NEMP2: variants seen among roughly 807,000 people sequenced by gnomAD.
The protein encoded by NEMP2 is UPF0571 transmembrane protein.
A neutral mutation model predicts 54.2 loss-of-function variants in NEMP2; 53 were observed. That is an observed-to-expected ratio of 0.98 (90% CI 0.78 to 1.23). The LOEUF is 1.23. Ranked by LOEUF, NEMP2 falls within the 50% of genes most tolerant of loss-of-function variation. NEMP2 has a pLI of 0.00. For synonymous variants in NEMP2, 197 were observed against 190.3 expected, an observed-to-expected ratio of 1.04 and a Z score of -0.29; for missense variants, 455 against 511.3, an observed-to-expected ratio of 0.89 and a Z score of 1.06.
rs1691132999 is a variant in NEMP2, at chr2:190,531,231, G to A, written c.97+3328C>T. ...TGAGGCTGAGGTATTTAATATGTCC[G>A]TACCCTGGAAGGTGCTCCATAACCT... On this transcript the variant is annotated intron_variant, in intron 1 of 8. Transcript: ENST00000409150. The surrounding 1 kb of genome is among the most constrained non-coding windows in gnomAD (Gnocchi z 4.7). Among the ~76,000 whole-genome samples, 1 of 152,140 alleles carries A rather than the reference G, an allele frequency of 6.6e-6. No individual in the cohort carries two copies. The highest frequency in any genetic ancestry group is 1.5e-5 in the Non-Finnish European group (1 of 68,028).
chr2:190,427,904 G>C, the NEMP2 span, among the ~76,000 whole-genome samples: 1 of 152,036 alleles, frequency 6.6e-6, no homozygotes, highest in Non-Finnish European at 1.5e-5. Context: ...GCTAATTTTT[G>C]TATTTTTAGT....
At chr2:190,587,964 A>T in the NEMP2 span, among the ~76,000 whole-genome samples, 1 of 152,160 alleles carries the variant, frequency 6.6e-6, no homozygotes, top group South Asian at 2.1e-4. The surrounding 1 kb of genome is among the most constrained non-coding windows in gnomAD (Gnocchi z 5.4). Context: ...GCATGAAAGG[A>T]GGAAAATCTA....
At chr2:190,600,487 G>A in the NEMP2 span, among the ~76,000 whole-genome samples, 1 of 152,220 alleles carries the variant, frequency 6.6e-6, no homozygotes. This position sits in a 1 kb window ranked among gnomAD's most constrained non-coding sequence, Gnocchi z 4.9. Context: ...ATAGTGTGAG[G>A]TGTTTGGGTC....
upstream of NEMP2, chr2:190,534,777 G>T: frequency 1.4e-6 from 1 of 700,042 alleles, no homozygotes; most frequent in Non-Finnish European, 2.0e-6. Flanking sequence ...CGCGGGAAAG[G>T]CGGAGACCCC....
At chr2:190,618,955 T>C in the NEMP2 span, among the ~76,000 whole-genome samples, 1 of 152,256 alleles carries the variant, frequency 6.6e-6, no homozygotes, top group Non-Finnish European at 1.5e-5. Context: ...TAAAATTGTT[T>C]TTTTAAACTT....
chr2:190,488,960 T>C, the NEMP2 span: 4 of 923,588 alleles, frequency 4.3e-6, no homozygotes, highest in East Asian at 5.9e-5. The surrounding 1 kb of genome is among the most constrained non-coding windows in gnomAD (Gnocchi z 6.4). Context: ...CTAGATTTCA[T>C]GGTAGTCATA....
chr2:190,425,262 A>G, the NEMP2 span, among the ~76,000 whole-genome samples: 2 of 152,098 alleles, frequency 1.3e-5, no homozygotes, highest in East Asian at 3.8e-4. The surrounding 1 kb of genome is among the most constrained non-coding windows in gnomAD (Gnocchi z 4.3). Flanking sequence ...GGGATTTTCT[A>G]CCTAGTCATG....
chr2:190,625,055 A>G, the NEMP2 span: 1 of 152,222 alleles, frequency 6.6e-6, no homozygotes, highest in African/African-American at 2.4e-5. Flanking sequence ...GCAGTTCCTC[A>G]AAAAGTTAAC....
the NEMP2 span, among the ~76,000 whole-genome samples, chr2:190,486,446 C>T: frequency 1.3e-5 from 2 of 152,232 alleles, no homozygotes; most frequent in East Asian, 3.8e-4. Context: ...CTCTAGCCAC[C>T]TTGGCTCCCT....
At chr2:190,548,534 T>C in the NEMP2 span, among the ~76,000 whole-genome samples, 1 of 152,246 alleles carries the variant, frequency 6.6e-6, no homozygotes, top group Non-Finnish European at 1.5e-5. Flanking sequence ...ACCTGATTCT[T>C]GCCTTTTCCT....
the NEMP2 span, among the ~76,000 whole-genome samples, chr2:190,595,391 C>T: frequency 6.6e-6 from 1 of 151,612 alleles, no homozygotes. The surrounding 1 kb of genome is among the most constrained non-coding windows in gnomAD (Gnocchi z 4.0). Flanking sequence ...AACAAAAGCC[C>T]AAATTGACAA....
At chr2:190,458,580 C>G in the NEMP2 span, among the ~76,000 whole-genome samples, 1 of 152,140 alleles carries the variant, frequency 6.6e-6, no homozygotes, top group Non-Finnish European at 1.5e-5. This position sits in a 1 kb window ranked among gnomAD's most constrained non-coding sequence, Gnocchi z 5.3. Flanking sequence ...TAGCTTCACC[C>G]CAGTTTTAGA....
intron 5 of NEMP2, among the ~76,000 whole-genome samples, chr2:190,517,047 T>C (rs933763937): frequency 4.9e-5 from 7 of 142,956 alleles, no homozygotes; most frequent in African/African-American, 1.8e-4. Context: ...GCCAAGATCA[T>C]GTCACTAAAT....
At chr2:190,438,799 A>G in the NEMP2 span, among the ~76,000 whole-genome samples, 35,005 of 152,234 alleles carry the variant, frequency 0.23, 4,961 homozygotes, top group South Asian at 0.33. The surrounding 1 kb of genome is among the most constrained non-coding windows in gnomAD (Gnocchi z 5.2). Flanking sequence ...AGATTTGACA[A>G]TCCTTTATTT....
At chr2:190,615,837 A>G in the NEMP2 span, among the ~76,000 whole-genome samples, 6 of 152,102 alleles carry the variant, frequency 3.9e-5, no homozygotes, top group Non-Finnish European at 8.8e-5. This position sits in a 1 kb window ranked among gnomAD's most constrained non-coding sequence, Gnocchi z 4.7. Context: ...GACCAAATAT[A>G]TCTATTTCTT....
At chr2:190,446,720 C>T in the NEMP2 span, among the ~76,000 whole-genome samples, 3 of 152,152 alleles carry the variant, frequency 2.0e-5, no homozygotes, top group East Asian at 1.9e-4. Context: ...TATGGATGTT[C>T]GTTCTGGGTC....
At chr2:190,475,753 A>G in the NEMP2 span, among the ~76,000 whole-genome samples, 8 of 152,332 alleles carry the variant, frequency 5.3e-5, no homozygotes, top group South Asian at 2.1e-4. Context: ...CGCATTGCCA[A>G]GTGAATCCTA....
chr2:190,538,182 CCA>C (rs1691439988), upstream of NEMP2, among the ~76,000 whole-genome samples: 1 of 141,062 alleles, frequency 7.1e-6, no homozygotes, highest in African/African-American at 2.5e-5. This position sits in a 1 kb window ranked among gnomAD's most constrained non-coding sequence, Gnocchi z 4.1. Context: ...TTCATAAGAT[CCA>C]GTTTTTTTTT....
the NEMP2 span, among the ~76,000 whole-genome samples, chr2:190,556,060 T>C: frequency 6.6e-6 from 1 of 152,212 alleles, no homozygotes; most frequent in Non-Finnish European, 1.5e-5. Context: ...CTGATGAACA[T>C]TGATGCGAAA....
Sources: allele counts gnomAD v4.1 joint callset (sites outside exome capture counted in the v4.1 genomes callset), GRCh38; gene constraint gnomAD v4.1.1; non-coding constraint Gnocchi (gnomAD v3.1); transcripts MANE v1.5; gene names NCBI Gene and HGNC (gene_info 2026-07-23, HGNC 2026-07-21).